PLBD1: variants seen among roughly 807,000 people sequenced by gnomAD.
The protein encoded by PLBD1 is lysosomal leucine aminopeptidase.
A neutral mutation model predicts 63.0 loss-of-function variants in PLBD1; 60 were observed. The observed-to-expected ratio is 0.95, with a 90% CI of 0.77 to 1.18. The LOEUF (loss-of-function observed/expected upper bound fraction) is 1.18. PLBD1 is among the 50% of genes most tolerant of loss of function. PLBD1 has a pLI of 0.00. For synonymous variants in PLBD1, 262 were observed against 248.0 expected (o/e 1.06, Z -0.53); for missense variants, 598 against 677.9 (o/e 0.88, Z 1.31).
At chr12:14,543,510 A>G in intron 2 of PLBD1, among the ~76,000 whole-genome samples, 2 of 152,140 alleles carry the variant, frequency 1.3e-5, no homozygotes. Flanking sequence ...CGAGGTCAGG[A>G]GTTTGAGAAC....
intron 6 of PLBD1, among the ~76,000 whole-genome samples, chr12:14,516,884 C>CA (rs1945341482): frequency 6.6e-6 from 1 of 151,976 alleles, no homozygotes; most frequent in Non-Finnish European, 1.5e-5. Flanking sequence ...ACTAAAAATA[C>CA]AAAAATTAGC....
chr12:14,560,377 G>A (rs1415291881), intron 1 of PLBD1, among the ~76,000 whole-genome samples: 6 of 151,892 alleles, frequency 4.0e-5, no homozygotes, highest in African/African-American at 1.2e-4. Flanking sequence ...AGTCAGAGGG[G>A]AAAAAAAGAG....
intron 2 of PLBD1, among the ~76,000 whole-genome samples, chr12:14,550,548 C>T (rs866486114): frequency 1.3e-5 from 2 of 151,960 alleles, no homozygotes; most frequent in African/African-American, 4.8e-5. Context: ...ACAAAATTAC[C>T]AGCCTGGGAA....
intron 6 of PLBD1, among the ~76,000 whole-genome samples, chr12:14,523,024 A>G (rs926190421): frequency 6.6e-6 from 1 of 152,086 alleles, no homozygotes; most frequent in Non-Finnish European, 1.5e-5. Context: ...AGGCAAGAGA[A>G]AGACAAAAAG....
At chr12:14,517,943 G>A (rs922003737) in intron 6 of PLBD1, among the ~76,000 whole-genome samples, 1 of 152,206 alleles carries the variant, frequency 6.6e-6, no homozygotes, top group African/African-American at 2.4e-5. Flanking sequence ...CACTTTGGGA[G>A]GCTGAGGCAG....
chr12:14,516,679 A>C (rs1945339427), intron 6 of PLBD1, among the ~76,000 whole-genome samples: 1 of 152,156 alleles, frequency 6.6e-6, no homozygotes, highest in Admixed American at 6.5e-5. Flanking sequence ...AGAAAGCCTC[A>C]CTTATAGATC....
chr12:14,534,749 A>G (rs868862993), intron 6 of PLBD1, among the ~76,000 whole-genome samples: 2 of 152,086 alleles, frequency 1.3e-5, no homozygotes, highest in East Asian at 1.9e-4. Flanking sequence ...TCACTGTGTT[A>G]GCCAGGATGG....
At chr12:14,544,760 T>C (rs763411759) in intron 2 of PLBD1, among the ~76,000 whole-genome samples, 23 of 152,310 alleles carry the variant, frequency 1.5e-4, no homozygotes, top group African/African-American at 5.5e-4. Context: ...TTAACTTCTA[T>C]AATTTTCTTT....
chr12:14,561,631 C>A (rs945021698), intron 1 of PLBD1, among the ~76,000 whole-genome samples: 2 of 152,128 alleles, frequency 1.3e-5, no homozygotes, highest in African/African-American at 4.8e-5. Context: ...CTCGGCTCAC[C>A]GCAACCTCCG....
In PLBD1 at chr12:14,520,969, G is replaced by A. The variant is rs146160711; in HGVS notation, c.845-9258C>T. Among the ~76,000 whole-genome samples the A allele has an allele frequency of 3.3e-5, 5 of 152,248 alleles. No homozygotes were observed. The East Asian group carries it at 9.6e-4, about 29-fold the overall frequency. ...CTGTGATCTAAGCTGCTGATGTACA[G>A]CACTATCTTGAGACCGGTGCCACTA... On this transcript the variant is annotated intron_variant, in intron 6 of 10. Transcript: ENST00000240617.
At position 14,557,040 on chromosome 12, in the gene PLBD1, A is replaced by ATAAT. The variant is rs555485259; in HGVS notation, c.116-3629_116-3628insATTA. On this transcript the variant is annotated intron_variant, in intron 1 of 10. Coordinates refer to ENST00000240617, the MANE Select transcript of PLBD1 (RefSeq NM_024829.6). ...TCTGTCACGCTTTTCAAAATAATACATACATGTGGCCAACAAGCATGTGAA... is the reference window on the plus strand; with the variant it reads ...TCTGTCACGCTTTTCAAAATAATACATAATTACATGTGGCCAACAAGCATGTGAA... Among the ~76,000 whole-genome samples, 623 of 151,788 alleles carry ATAAT rather than the reference A, an allele frequency of 4.1e-3. 2 individuals are homozygous for ATAAT. The highest frequency in any genetic ancestry group is 6.3e-3 in the Non-Finnish European group (425 of 67,942).
rs1265910130 is a variant in PLBD1 at position 14,517,389 on chromosome 12, C to T, written c.845-5678G>A. Among the ~76,000 whole-genome samples, 3 of 152,262 alleles carry T rather than the reference C, an allele frequency of 2.0e-5. No homozygotes were observed. The East Asian group carries it at 5.8e-4, about 29-fold the overall frequency. Reference sequence around the variant, plus strand: ...TCTCAAACTTCTGGGCTCAAGCGCTCCTCCTGCCTTGGCCTCTTAAAGTGC... The same window carrying T: ...TCTCAAACTTCTGGGCTCAAGCGCTTCTCCTGCCTTGGCCTCTTAAAGTGC... On this transcript the variant is annotated intron_variant, in intron 6 of 10. Coordinates refer to ENST00000240617, the MANE Select transcript of PLBD1 (RefSeq NM_024829.6).
At position 14,511,244 on chromosome 12, in the gene PLBD1, G is replaced by T. The variant is rs201667097; in HGVS notation, c.1186+16C>A. 2 of 1,565,346 alleles carry T rather than the reference G, an allele frequency of 1.3e-6. No homozygotes were observed. Among genetic ancestry groups the T allele is most frequent in the Non-Finnish European group, 1.7e-6 (2 of 1,157,672 alleles). On this transcript the variant is annotated intron_variant, in intron 8 of 10. Transcript: ENST00000240617. Reference sequence around the variant, plus strand: ...ATACTCATCAGGTTTTAAGACTTACGACATGAAGAAAGTACCTTTCCGTAG... The same window carrying T: ...ATACTCATCAGGTTTTAAGACTTACTACATGAAGAAAGTACCTTTCCGTAG...
intron 4 of PLBD1, among the ~76,000 whole-genome samples, chr12:14,538,285 C>A (rs1227753864): frequency 6.6e-6 from 1 of 152,034 alleles, no homozygotes; most frequent in African/African-American, 2.4e-5. Context: ...CCTCCGCATC[C>A]TGAGTTCAAG....
At chr12:14,506,517 G>A (rs995484591) in intron 9 of PLBD1, among the ~76,000 whole-genome samples, 1 of 152,194 alleles carries the variant, frequency 6.6e-6, no homozygotes, top group Non-Finnish European at 1.5e-5. Context: ...AAGAGAACCA[G>A]ATAAACGTCC....
intron 6 of PLBD1, among the ~76,000 whole-genome samples, chr12:14,525,714 C>T (rs553890487): frequency 0.37 from 14,042 of 38,376 alleles, 1,019 homozygotes; most frequent in South Asian, 0.56. Flanking sequence ...CACACACACA[C>T]GCACACACAC....
intron 10 of PLBD1, among the ~76,000 whole-genome samples, chr12:14,505,638 C>T (rs1197840550): frequency 6.6e-6 from 1 of 152,198 alleles, no homozygotes; most frequent in Non-Finnish European, 1.5e-5. Context: ...TTTTCAGATA[C>T]ATTACAGCAC....
chr12:14,541,078 A>G (rs531078276), intron 3 of PLBD1, among the ~76,000 whole-genome samples, 176 bp from the exon 4 acceptor site: 2 of 152,302 alleles, frequency 1.3e-5, no homozygotes, highest in East Asian at 3.9e-4. Context: ...ACTGATTTTT[A>G]ATTTCTCCCT....
intron 6 of PLBD1, among the ~76,000 whole-genome samples, chr12:14,513,753 A>G (rs1945316993): frequency 6.6e-6 from 1 of 151,106 alleles, no homozygotes; most frequent in Admixed American, 6.6e-5. Flanking sequence ...AAGTTACACG[A>G]TGAGAGGACT....
Sources: allele counts gnomAD v4.1 joint callset (sites outside exome capture counted in the v4.1 genomes callset), GRCh38; gene constraint gnomAD v4.1.1; transcripts MANE v1.5; gene names NCBI Gene and HGNC (gene_info 2026-07-23, HGNC 2026-07-21).